IKZF3: variants seen among roughly 807,000 people sequenced by gnomAD.
The protein encoded by IKZF3 is zinc finger protein Aiolos.
A neutral mutation model predicts 49.0 loss-of-function variants in IKZF3; 10 were observed. The observed-to-expected ratio is 0.20, with a 90% CI of 0.13 to 0.35. The LOEUF (loss-of-function observed/expected upper bound fraction) is 0.35, where lower values mean the gene tolerates loss of function less well. Among genes scored for constraint, IKZF3 ranks in the 10% least tolerant of loss-of-function variants. The pLI is 1.00. For missense variants in IKZF3, 498 were observed against 664.8 expected, an observed-to-expected ratio of 0.75 and a Z score of 2.76; for synonymous variants, 209 against 228.2, an observed-to-expected ratio of 0.92 and a Z score of 0.76.
intron 6 of IKZF3, among the ~76,000 whole-genome samples, chr17:39,782,691 T>C (rs1212471173): frequency 1.3e-5 from 2 of 152,104 alleles, no homozygotes; most frequent in African/African-American, 2.4e-5. Context: ...AATGACGAAA[T>C]AGGAAATCCG....
intron 6 of IKZF3, among the ~76,000 whole-genome samples, chr17:39,783,402 A>G (rs1432332840): frequency 6.6e-6 from 1 of 151,986 alleles, no homozygotes. Context: ...GCTCACCACA[A>G]CCTCTGCCTC....
At chr17:39,779,646 G>GTTTTTTTTTTTTTTT (rs138812490) in intron 6 of IKZF3, among the ~76,000 whole-genome samples, 1 of 117,816 alleles carries the variant, frequency 8.5e-6, no homozygotes, top group Non-Finnish European at 1.7e-5. Flanking sequence ...TATATTCTTT[G>GTTTTTTTTTTTTTTT]TTTTTTGTTT....
chr17:39,788,140 TTC>T, intron 6 of IKZF3, 116 bp downstream of exon 6: 1 of 635,916 alleles, frequency 1.6e-6, no homozygotes, highest in South Asian at 2.1e-5. Context: ...CTCATTTACT[TTC>T]TTTATAATCT....
chr17:39,790,329 A>G (rs1013446272), intron 5 of IKZF3, among the ~76,000 whole-genome samples: 1 of 151,410 alleles, frequency 6.6e-6, no homozygotes, highest in African/African-American at 2.5e-5. Flanking sequence ...GAAAAAGGCA[A>G]CAGTAGAGAA....
Position 39,764,464 on chromosome 17 carries a change from C to CAA in IKZF3, c.*1324_*1325dup, listed in dbSNP as rs71149801. On this transcript the variant is annotated 3_prime_UTR_variant, in exon 8 of 8. Transcript: ENST00000346872. ...TGGGCAACAGAGTGAGATCCTGTCT[C>CAA]AAAAAAAAAAAAAAAAAAAAAGTTA... 0.012 allele frequency: 730 copies of CAA among 60,960 alleles called. 11 individuals are homozygous for CAA. Among genetic ancestry groups the CAA allele is most frequent in the African/African-American group, 0.036 (661 of 18,370 alleles). The allele number at this position is 60,960 out of a possible 1,614,324, so 3.8% of individuals were successfully genotyped here.
At chr17:39,770,288 G>A (rs1287108711) in intron 7 of IKZF3, among the ~76,000 whole-genome samples, 6 of 152,154 alleles carry the variant, frequency 3.9e-5, no homozygotes, top group South Asian at 4.2e-4. Context: ...ATCACACCAC[G>A]CCTTTGAATG....
intron 3 of IKZF3, among the ~76,000 whole-genome samples, chr17:39,816,821 C>A (rs1012065261): frequency 6.6e-6 from 1 of 152,238 alleles, no homozygotes; most frequent in Non-Finnish European, 1.5e-5. Flanking sequence ...TCAGAAGATT[C>A]TCCCACCTCA....
chr17:39,773,669 T>C (rs1175706058), intron 7 of IKZF3, among the ~76,000 whole-genome samples: 8 of 152,350 alleles, frequency 5.3e-5, no homozygotes, highest in Non-Finnish European at 1.2e-4. Context: ...AACATCTGTT[T>C]TTTTGGGAAA....
chr17:39,838,582 C>T (rs542242682), intron 1 of IKZF3, among the ~76,000 whole-genome samples: 17 of 152,246 alleles, frequency 1.1e-4, no homozygotes, highest in South Asian at 2.1e-4. Flanking sequence ...CATTCTCCCA[C>T]GCTTTTCCTT....
In IKZF3 at chr17:39,788,123, C is replaced by T. The variant is rs563103671; in HGVS notation, c.709+135G>A. On this transcript the variant is annotated intron_variant, in intron 6 of 7. Transcript: ENST00000346872. Reference sequence around the variant, plus strand: ...TACCACCCGCTAACCTTCCAACTTACAGTTTGCTCATTTACTTTCTTTATA... The same window carrying T: ...TACCACCCGCTAACCTTCCAACTTATAGTTTGCTCATTTACTTTCTTTATA... 9.6e-5 allele frequency: 58 copies of T among 601,348 alleles called. No individual in the cohort carries two copies. In the South Asian group the frequency reaches 1.2e-3, roughly 12 times the overall value. The allele number at this position is 601,348 out of a possible 1,614,324, so 37.3% of individuals were successfully genotyped here. A position where few individuals can be genotyped will look rare whatever the true frequency, so the allele number is the denominator to read the frequency against.
chr17:39,859,669 G>A (rs183757843), intron 1 of IKZF3, among the ~76,000 whole-genome samples: 26 of 152,226 alleles, frequency 1.7e-4, no homozygotes, highest in Admixed American at 1.5e-3. Context: ...GATTACAGGC[G>A]TGAGCCACCA....
chr17:39,792,255 A>C (rs1362444086), intron 4 of IKZF3, among the ~76,000 whole-genome samples: 1 of 152,186 alleles, frequency 6.6e-6, no homozygotes, highest in Non-Finnish European at 1.5e-5. Flanking sequence ...GTCTGAAGAT[A>C]CATTATTTTA....
intron 6 of IKZF3, among the ~76,000 whole-genome samples, chr17:39,787,694 T>A (rs908099854): frequency 6.6e-6 from 1 of 152,216 alleles, no homozygotes; most frequent in Non-Finnish European, 1.5e-5. Context: ...GACCCCCAAT[T>A]TCCAACCTTG....
At chr17:39,848,487 T>G in intron 1 of IKZF3, among the ~76,000 whole-genome samples, 1 of 152,234 alleles carries the variant, frequency 6.6e-6, no homozygotes, top group East Asian at 1.9e-4. Context: ...GGTAAAATGA[T>G]TGAATCTAAC....
intron 6 of IKZF3, among the ~76,000 whole-genome samples, chr17:39,781,843 C>T (rs2060749736): frequency 6.6e-6 from 1 of 152,190 alleles, no homozygotes; most frequent in South Asian, 2.1e-4. Context: ...AAACATTATT[C>T]TGTAAATCAG....
chr17:39,862,324 T>C (rs1396627790), intron 1 of IKZF3, among the ~76,000 whole-genome samples: 1 of 152,172 alleles, frequency 6.6e-6, no homozygotes, highest in Non-Finnish European at 1.5e-5. Flanking sequence ...CTGTTATGAA[T>C]CAATGTGACC....
chr17:39,789,813 A>C (rs979151211), intron 5 of IKZF3, among the ~76,000 whole-genome samples: 5 of 151,606 alleles, frequency 3.3e-5, no homozygotes, highest in Non-Finnish European at 5.9e-5. Flanking sequence ...AGGCAGGAGA[A>C]TCGCTTGAAC....
At chr17:39,780,105 G>T (rs1014541466) in intron 6 of IKZF3, among the ~76,000 whole-genome samples, 1 of 152,122 alleles carries the variant, frequency 6.6e-6, no homozygotes, top group African/African-American at 2.4e-5. Flanking sequence ...TTGGGAGACT[G>T]AGGTGGGAGG....
chr17:39,783,116 T>C (rs2060785712), intron 6 of IKZF3, among the ~76,000 whole-genome samples: 1 of 152,202 alleles, frequency 6.6e-6, no homozygotes, highest in African/African-American at 2.4e-5. Context: ...AAGTGTTAAG[T>C]GGAGCTTAAA....
Sources: gnomAD v4.1 joint callset for allele counts (sites outside exome capture counted in the v4.1 genomes callset) on GRCh38, gnomAD v4.1.1 for gene constraint, MANE v1.5 for transcripts, NCBI Gene and HGNC (gene_info 2026-07-23, HGNC 2026-07-21) for gene names.